CORIN: variants seen among roughly 807,000 people sequenced by gnomAD.
CORIN encodes the protein atrial natriuretic peptide-converting enzyme.
A neutral mutation model predicts 125.3 loss-of-function variants in CORIN; 117 were observed. The observed-to-expected ratio is 0.93, with a 90% CI of 0.80 to 1.09. The LOEUF is 1.09. Ranked by LOEUF, CORIN falls within the 50% of genes least tolerant of loss-of-function variation. The probability of loss-of-function intolerance (pLI) is 0.00; values close to 1 mark genes in which losing one functional copy is unlikely to be tolerated. For missense variants in CORIN, 1,253 were observed against 1,306.7 expected (o/e 0.96, Z 0.63); for synonymous variants, 450 against 466.4 (o/e 0.96, Z 0.45).
chr4:47,674,689 C>T (rs1057240791), intron 9 of CORIN, among the ~76,000 whole-genome samples, 189 bp from the exon 10 acceptor site: 2 of 152,120 alleles, frequency 1.3e-5, no homozygotes, highest in South Asian at 2.1e-4. Flanking sequence ...TAATTAAATA[C>T]AATCCAGGTA....
At chr4:47,596,916 G>C (rs1028588388) in intron 21 of CORIN, among the ~76,000 whole-genome samples, 2 of 152,176 alleles carry the variant, frequency 1.3e-5, no homozygotes, top group Non-Finnish European at 2.9e-5. Context: ...TTTTGGAGAT[G>C]ATGAAACAGA....
chr4:47,618,773 C>T (rs997286943), intron 19 of CORIN, among the ~76,000 whole-genome samples: 1 of 151,388 alleles, frequency 6.6e-6, no homozygotes, highest in South Asian at 2.1e-4. Context: ...GAGCCAAGAT[C>T]GCGCGGCTGC....
At chr4:47,800,792 C>G (rs992229053) in intron 2 of CORIN, among the ~76,000 whole-genome samples, 13 of 152,220 alleles carry the variant, frequency 8.5e-5, no homozygotes, top group African/African-American at 2.7e-4. Context: ...TGGTCACCCT[C>G]TGACCTCTGG....
At chr4:47,718,024 A>C (rs1447056106) in intron 5 of CORIN, among the ~76,000 whole-genome samples, 4 of 152,210 alleles carry the variant, frequency 2.6e-5, no homozygotes, top group Admixed American at 1.3e-4. Context: ...GCAAATGGGC[A>C]CAGTATTCCC....
At chr4:47,679,375 T>C (rs1218820257) in intron 8 of CORIN, among the ~76,000 whole-genome samples, 1 of 152,132 alleles carries the variant, frequency 6.6e-6, no homozygotes, top group Non-Finnish European at 1.5e-5. Flanking sequence ...CTCTTTTTTT[T>C]TTTTTAAAGA....
Position 47,799,143 on chromosome 4 carries a change from G to GTGTGTA in CORIN, c.208+7759_208+7760insTACACA, listed in dbSNP as rs1553918934. On this transcript the variant is annotated intron_variant, in intron 2 of 21. Coordinates refer to ENST00000273857, the MANE Select transcript of CORIN (RefSeq NM_006587.4). ...TGTGTGTGTGTGTGTGTGTGTGTGT[G>GTGTGTA]TGTATGTCTCCCATGTTTTCTTTAT... is the stretch of plus-strand genomic sequence containing the variant. Among the ~76,000 whole-genome samples the GTGTGTA allele has an allele frequency of 2.0e-5, 3 of 151,040 alleles. 1 individual carries two copies. Among genetic ancestry groups the GTGTGTA allele is most frequent in the Non-Finnish European group, 4.4e-5 (3 of 67,820 alleles).
At chr4:47,610,214 CCCA>C (rs1256954938) in intron 19 of CORIN, among the ~76,000 whole-genome samples, 1 of 152,218 alleles carries the variant, frequency 6.6e-6, no homozygotes, top group African/African-American at 2.4e-5. Context: ...AATTTACACT[CCCA>C]CCAATGGTGT....
At chr4:47,830,940 C>T (rs1732959924) in intron 1 of CORIN, among the ~76,000 whole-genome samples, 1 of 152,224 alleles carries the variant, frequency 6.6e-6, no homozygotes, top group Admixed American at 6.5e-5. Context: ...CAAGTGCTGT[C>T]AACCTAAAGG....
chr4:47,677,803 G>A (rs2109705678), intron 9 of CORIN, 135 bp downstream of exon 9: 5 of 650,202 alleles, frequency 7.7e-6, no homozygotes, highest in Admixed American at 2.4e-5. Flanking sequence ...GACTAGGGCT[G>A]TGAGGACCAC....
At chr4:47,757,857 C>CAT (rs1729225876) in intron 4 of CORIN, among the ~76,000 whole-genome samples, 1 of 107,476 alleles carries the variant, frequency 9.3e-6, no homozygotes. Context: ...TGAGTTTACA[C>CAT]ATATATATAC....
intron 3 of CORIN, among the ~76,000 whole-genome samples, chr4:47,776,796 T>G (rs886785299): frequency 2.0e-5 from 3 of 152,182 alleles, no homozygotes; most frequent in African/African-American, 7.2e-5. Context: ...AAAACTAAAG[T>G]CTCTGTTCAA....
chr4:47,603,129 T>TG (rs555869978), intron 20 of CORIN, among the ~76,000 whole-genome samples: 1 of 152,054 alleles, frequency 6.6e-6, no homozygotes, highest in Non-Finnish European at 1.5e-5. Flanking sequence ...AATTGAAACA[T>TG]GGGGGGCAGT....
chr4:47,738,371 C>T (rs1335498321), intron 5 of CORIN, among the ~76,000 whole-genome samples: 1 of 152,138 alleles, frequency 6.6e-6, no homozygotes, highest in African/African-American at 2.4e-5. Context: ...TGCACAGAAT[C>T]CCTTGGCAAA....
intron 5 of CORIN, among the ~76,000 whole-genome samples, chr4:47,723,483 G>C (rs546776456): frequency 6.6e-6 from 1 of 152,290 alleles, no homozygotes; most frequent in Admixed American, 6.5e-5. Flanking sequence ...GGAGGATCCA[G>C]AGAGCACTAC....
At chr4:47,676,480 C>A (rs1448201560) in intron 9 of CORIN, among the ~76,000 whole-genome samples, 1 of 152,162 alleles carries the variant, frequency 6.6e-6, no homozygotes, top group Non-Finnish European at 1.5e-5. Flanking sequence ...GGCATCCAAG[C>A]ACCCTGAATT....
intron 5 of CORIN, among the ~76,000 whole-genome samples, chr4:47,726,099 A>G (rs1727582720): frequency 6.6e-6 from 1 of 152,084 alleles, no homozygotes; most frequent in Non-Finnish European, 1.5e-5. Context: ...AGTCAATCTG[A>G]CAATACCAAG....
At chr4:47,680,306 G>T in intron 7 of CORIN, 55 bp from the exon 8 acceptor site, 2 of 1,251,730 alleles carry the variant, frequency 1.6e-6, no homozygotes, top group Non-Finnish European at 2.3e-6. Flanking sequence ...TAACAGGCAG[G>T]ATTCTATGGC....
chr4:47,666,344 A>C (rs1724478954), intron 10 of CORIN, among the ~76,000 whole-genome samples: 1 of 152,190 alleles, frequency 6.6e-6, no homozygotes, highest in South Asian at 2.1e-4. Context: ...TGAAGTCTAC[A>C]CCTAGCACAG....
At chr4:47,608,865 G>C (rs895523173) in intron 19 of CORIN, among the ~76,000 whole-genome samples, 2 of 152,224 alleles carry the variant, frequency 1.3e-5, no homozygotes, top group African/African-American at 4.8e-5. Flanking sequence ...GCCACACTCA[G>C]CTCTAGTTTA....
Sources: gnomAD v4.1 joint callset for allele counts (sites outside exome capture counted in the v4.1 genomes callset) on GRCh38, gnomAD v4.1.1 for gene constraint, MANE v1.5 for transcripts, NCBI Gene and HGNC (gene_info 2026-07-23, HGNC 2026-07-21) for gene names.